Variants in BCL7A observed in about 807,000 individuals in gnomAD.
The protein encoded by BCL7A is B-cell CLL/lymphoma 7 protein family member A.
A neutral mutation model predicts 28.4 loss-of-function variants in BCL7A; 11 were observed. That is an observed-to-expected ratio of 0.39 (90% CI 0.24 to 0.64). The LOEUF (loss-of-function observed/expected upper bound fraction) is 0.64, where lower values mean the gene tolerates loss of function less well. Among genes scored for constraint, BCL7A ranks in the 30% least tolerant of loss-of-function variants. The probability of loss-of-function intolerance (pLI) is 0.50; values close to 1 mark genes in which losing one functional copy is unlikely to be tolerated. For synonymous variants in BCL7A, 123 were observed against 103.3 expected (o/e 1.19, Z -1.15); for missense variants, 222 against 274.8 (o/e 0.81, Z 1.36).
intron 4 of BCL7A, among the ~76,000 whole-genome samples, chr12:122,052,867 TCGG>T (rs138914735): frequency 0.55 from 36,701 of 66,792 alleles, 7,542 homozygotes; most frequent in Middle Eastern, 0.64. Flanking sequence ...ATTTTTTTAG[TCGG>T]GGGGGGGGGG....
intron 4 of BCL7A, among the ~76,000 whole-genome samples, chr12:122,050,760 C>T (rs970145004): frequency 3.9e-5 from 6 of 152,250 alleles, no homozygotes; most frequent in African/African-American, 1.2e-4. Flanking sequence ...CGTGCCACTG[C>T]ACTCCAGCTT....
chr12:122,058,853 C>G (rs1951896195), intron 5 of BCL7A, among the ~76,000 whole-genome samples: 1 of 152,166 alleles, frequency 6.6e-6, no homozygotes, highest in African/African-American at 2.4e-5. Flanking sequence ...GTGATAGGGT[C>G]AGGCAGGGGC....
At chr12:122,022,435 G>GCGGGCGC (rs1440142527) in intron 1 of BCL7A, among the ~76,000 whole-genome samples, 4 of 145,284 alleles carry the variant, frequency 2.8e-5, no homozygotes, top group Non-Finnish European at 6.1e-5. Flanking sequence ...CCCGGAGGCG[G>GCGGGCGC]CGGGCGCCGG....
chr12:122,021,916 TTGTGTGTGTGTGTATGTGTGTGTG>T lies in BCL7A; in HGVS notation c.-162_-139del, dbSNP rs1184474461. ...GCCAGGCGCGCGGCGGCCCCGGGCTTTGTGTGTGTGTGTATGTGTGTGTGTGTGTGTGTGTGTGTGTGAGTGTGT... is the reference window on the plus strand; with the variant it reads ...GCCAGGCGCGCGGCGGCCCCGGGCTTTGTGTGTGTGTGTGTGTGAGTGTGT... On this transcript the variant is annotated 5_prime_UTR_variant, in exon 1 of 6. An upstream start codon of the reference 5' UTR is lost. Coordinates refer to ENST00000261822, the MANE Select transcript of BCL7A (RefSeq NM_001024808.3). The T allele has an allele frequency of 4.0e-5, 14 of 353,828 alleles. No individual in the cohort carries two copies. Among genetic ancestry groups the T allele is most frequent in the Admixed American group, 2.5e-4 (5 of 20,086 alleles). The allele number at this position is 353,828 out of a possible 1,614,324, so 21.9% of individuals were successfully genotyped here. A position where few individuals can be genotyped will look rare whatever the true frequency, so the allele number is the denominator to read the frequency against.
intron 3 of BCL7A, among the ~76,000 whole-genome samples, chr12:122,039,554 A>G (rs1287503459): frequency 1.4e-5 from 2 of 145,020 alleles, no homozygotes; most frequent in African/African-American, 2.5e-5. Flanking sequence ...ATATAATTAT[A>G]GTAAATATTT....
At position 122,021,910 on chromosome 12, in the gene BCL7A, C is replaced by T. The variant is rs1883459040; in HGVS notation, c.-182C>T. 3 of 426,602 alleles carry T rather than the reference C, an allele frequency of 7.0e-6. No homozygotes were observed. The East Asian group carries it at 1.2e-4, about 18-fold the overall frequency. The allele number at this position is 426,602 out of a possible 1,614,324, so 26.4% of individuals were successfully genotyped here. The stretch of plus-strand genomic sequence containing the variant: ...CACTGGGCCAGGCGCGCGGCGGCCC[C>T]GGGCTTTGTGTGTGTGTGTATGTGT... On this transcript the variant is annotated 5_prime_UTR_variant, in exon 1 of 6. Coordinates refer to ENST00000261822, the MANE Select transcript of BCL7A (RefSeq NM_001024808.3).
chr12:122,054,979 G>A (rs751690694), intron 5 of BCL7A, 53 bp downstream of exon 5: 4 of 1,613,486 alleles, frequency 2.5e-6, no homozygotes, highest in South Asian at 1.1e-5. Context: ...GAGCCCATTG[G>A]GTTGTCGGGG....
At position 122,044,033 on chromosome 12, in the gene BCL7A, A is replaced by G. The variant is rs926190828; in HGVS notation, c.419A>G (p.Lys140Arg). 1.9e-6 allele frequency: 3 copies of G among 1,613,204 alleles called. No individual in the cohort carries two copies. Among genetic ancestry groups the G allele is most frequent in the Non-Finnish European group, 1.7e-6 (2 of 1,179,750 alleles). ...GTGGATGAGGCCCAGGCTGATGGGA[A>G]GGAGCACCCAGGAGCTGAAGGTATG... Reference protein sequence around the residue: ...AKVDEAQADGKEHPGAEDASD... With the variant: ...AKVDEAQADGREHPGAEDASD... The change falls in exon 4 of 6, where the codon AAG (lysine) becomes AGG (arginine). Residue 140 changes from lysine (K) to arginine (R), a missense_variant. By Grantham distance (26) the Lys-to-Arg change is conservative. This residue lies in a region of BCL7A where 155 missense variants were observed against 145.7 expected (regional missense o/e 1.06). Transcript: ENST00000261822.
At chr12:122,049,287 A>G (rs926097153) in intron 4 of BCL7A, among the ~76,000 whole-genome samples, 1 of 151,150 alleles carries the variant, frequency 6.6e-6, no homozygotes, top group Non-Finnish European at 1.5e-5. Context: ...GTGTGGCAGG[A>G]CCACAGAGCT....
chr12:122,022,224 C>A (rs1196931822), intron 1 of BCL7A, 41 bp downstream of exon 1: 1 of 1,342,328 alleles, frequency 7.4e-7, no homozygotes, highest in Admixed American at 2.5e-5. Flanking sequence ...CCCCGGCCGC[C>A]CCGAGCCCGA....
intron 4 of BCL7A, among the ~76,000 whole-genome samples, chr12:122,053,654 G>A (rs1451530766): frequency 6.6e-6 from 1 of 151,926 alleles, no homozygotes; most frequent in Non-Finnish European, 1.5e-5. Flanking sequence ...AGGAAAAACC[G>A]CTGCCGCCAC....
chr12:122,048,149 C>T (rs1014488472), intron 4 of BCL7A, among the ~76,000 whole-genome samples: 2 of 152,000 alleles, frequency 1.3e-5, no homozygotes, highest in Admixed American at 6.6e-5. Flanking sequence ...GTGATCCGCC[C>T]GCCTCGGCCT....
chr12:122,024,289 C>T (rs1036730564), intron 1 of BCL7A, among the ~76,000 whole-genome samples: 2 of 152,228 alleles, frequency 1.3e-5, no homozygotes, highest in Admixed American at 6.5e-5. Flanking sequence ...TGTCACTTCT[C>T]TAACCATGGT....
rs542683564 is a variant in BCL7A, at chr12:122,036,288, T to C, written c.271+861T>C. Among the ~76,000 whole-genome samples, 11 of 152,260 alleles carry C rather than the reference T, an allele frequency of 7.2e-5. No individual in the cohort carries two copies. The East Asian group carries it at 1.7e-3, about 24-fold the overall frequency. On this transcript the variant is annotated intron_variant, in intron 3 of 5. Coordinates refer to ENST00000261822, the MANE Select transcript of BCL7A (RefSeq NM_001024808.3). ...AACACGCACCTGTAGTCCTGGCTCC[T>C]TGGGAGGCTGAGGTGGGAGGGTCGC...
In BCL7A at chr12:122,059,681, A is replaced by T. The variant is rs1466726333; in HGVS notation, c.*518A>T. 1 of 232,634 alleles carries T rather than the reference A, an allele frequency of 4.3e-6. No homozygotes were observed. Among genetic ancestry groups the T allele is most frequent in the Non-Finnish European group, 8.5e-6 (1 of 117,986 alleles). 14.4% of individuals were successfully genotyped at this position (232,634 alleles called of 1,614,324 possible). A position where few individuals can be genotyped will look rare whatever the true frequency, so the allele number is the denominator to read the frequency against. On this transcript the variant is annotated 3_prime_UTR_variant, in exon 6 of 6. Transcript: ENST00000261822. This position sits in a 1 kb window ranked among gnomAD's most constrained non-coding sequence, Gnocchi z 4.0. ...TGGTTTGGTTCGGGCGGCGGCTGCCACCCTACTCACCGCTCTCCTCCCTGC... is the reference window on the plus strand; with the variant it reads ...TGGTTTGGTTCGGGCGGCGGCTGCCTCCCTACTCACCGCTCTCCTCCCTGC...
intron 3 of BCL7A, among the ~76,000 whole-genome samples, chr12:122,039,128 C>G (rs1418689656): frequency 6.6e-6 from 1 of 151,670 alleles, no homozygotes; most frequent in Non-Finnish European, 1.5e-5. Flanking sequence ...AACCCCATCT[C>G]TACTAAAAAT....
chr12:122,027,582 A>C (rs1181610866), intron 1 of BCL7A, among the ~76,000 whole-genome samples: 1 of 152,016 alleles, frequency 6.6e-6, no homozygotes, highest in African/African-American at 2.4e-5. Flanking sequence ...TTATACCTGT[A>C]ATTCCAGCAC....
At chr12:122,034,356 A>G (rs1036061570) in intron 2 of BCL7A, among the ~76,000 whole-genome samples, 3 of 149,642 alleles carry the variant, frequency 2.0e-5, no homozygotes, top group Admixed American at 1.4e-4. Flanking sequence ...CATTGAATGA[A>G]TGTACCACGA....
At chr12:122,032,625 C>T (rs1401803630) in intron 2 of BCL7A, among the ~76,000 whole-genome samples, 1 of 152,210 alleles carries the variant, frequency 6.6e-6, no homozygotes, top group Non-Finnish European at 1.5e-5. Flanking sequence ...GACAGACCAG[C>T]CCCGATTAAC....
Sources: gnomAD v4.1 joint callset for allele counts (sites outside exome capture counted in the v4.1 genomes callset) on GRCh38, gnomAD v4.1.1 for gene constraint, gnomAD v4.1.1 regional missense constraint, Gnocchi (gnomAD v3.1) non-coding constraint, MANE v1.5 for transcripts, NCBI Gene and HGNC (gene_info 2026-07-23, HGNC 2026-07-21) for gene names.